DEUP1: variants seen among roughly 807,000 people sequenced by gnomAD.
DEUP1 encodes the protein deuterosome assembly protein 1, also known as coiled-coil domain containing 67.
In DEUP1, 82 loss-of-function variants were observed where a neutral mutation model predicts 87.4. The observed-to-expected ratio is 0.94, with a 90% CI of 0.78 to 1.13. DEUP1 has a LOEUF of 1.13. Ranked by LOEUF, DEUP1 falls within the 50% of genes most tolerant of loss-of-function variation. DEUP1 has a pLI of 0.00. For synonymous variants in DEUP1, 214 were observed against 222.7 expected (o/e 0.96, Z 0.35); for missense variants, 663 against 681.5 (o/e 0.97, Z 0.30).
At chr11:93,396,997 A>C (rs972668932) in intron 11 of DEUP1, among the ~76,000 whole-genome samples, 11 of 152,114 alleles carry the variant, frequency 7.2e-5, no homozygotes, top group African/African-American at 2.2e-4. Context: ...TTATATGAGA[A>C]TTTTTATTTA....
At chr11:93,403,780 T>C (rs972003726) in intron 11 of DEUP1, among the ~76,000 whole-genome samples, 5 of 151,750 alleles carry the variant, frequency 3.3e-5, no homozygotes, top group Admixed American at 6.6e-5. Flanking sequence ...TCATATCTAT[T>C]ATATATTAAA....
intron 9 of DEUP1, among the ~76,000 whole-genome samples, chr11:93,389,918 T>C (rs1436977654): frequency 1.3e-5 from 2 of 152,272 alleles, no homozygotes; most frequent in African/African-American, 4.8e-5. Context: ...CCAGGAACTC[T>C]GCTGGAGCTA....
intron 8 of DEUP1, among the ~76,000 whole-genome samples, chr11:93,388,366 T>A (rs1041387592): frequency 6.6e-6 from 1 of 152,194 alleles, no homozygotes; most frequent in Admixed American, 6.5e-5. Context: ...TTTATTTTTG[T>A]GTTTTTGTGA....
chr11:93,382,985 C>A (rs1946368983), intron 7 of DEUP1, among the ~76,000 whole-genome samples: 1 of 152,050 alleles, frequency 6.6e-6, no homozygotes. Context: ...TGCTACTATG[C>A]CCCTCACTGA....
At chr11:93,363,068 C>G (rs1292835600) in intron 4 of DEUP1, among the ~76,000 whole-genome samples, 2 of 151,780 alleles carry the variant, frequency 1.3e-5, no homozygotes, top group Non-Finnish European at 3.0e-5. Context: ...CTATTCAGCA[C>G]TAAAAAGGAA....
intron 11 of DEUP1, among the ~76,000 whole-genome samples, chr11:93,406,071 T>A (rs184845335): frequency 1.4e-3 from 211 of 152,090 alleles, no homozygotes; most frequent in African/African-American, 4.8e-3. Flanking sequence ...TCCTATTTTT[T>A]AAAATTCTGT....
chr11:93,365,662 A>G (rs975745), intron 5 of DEUP1, among the ~76,000 whole-genome samples: 81,392 of 151,924 alleles, frequency 0.54, 22,148 homozygotes, highest in Admixed American at 0.65. Context: ...TTTACGTTAT[A>G]TATATGTAAT....
chr11:93,392,897 C>G (rs1276978093), intron 9 of DEUP1, among the ~76,000 whole-genome samples: 1 of 151,886 alleles, frequency 6.6e-6, no homozygotes, highest in Non-Finnish European at 1.5e-5. Context: ...TCACTGAGCT[C>G]TTTGCCTGGG....
At chr11:93,373,638 T>C (rs1425369424) in intron 7 of DEUP1, among the ~76,000 whole-genome samples, 2 of 139,514 alleles carry the variant, frequency 1.4e-5, no homozygotes, top group Admixed American at 7.1e-5. Flanking sequence ...TATATATATA[T>C]ATATATATAT....
At chr11:93,390,358 CA>C (rs1469387089) in intron 9 of DEUP1, among the ~76,000 whole-genome samples, 3 of 151,952 alleles carry the variant, frequency 2.0e-5, no homozygotes, top group African/African-American at 7.3e-5. Context: ...ATAGGAAACA[CA>C]ATAATATGAA....
chr11:93,350,973 T>C (rs1944598927), intron 2 of DEUP1, among the ~76,000 whole-genome samples: 1 of 148,484 alleles, frequency 6.7e-6, no homozygotes, highest in South Asian at 2.1e-4. Context: ...ATTATATATA[T>C]AATTATATAT....
intron 2 of DEUP1, among the ~76,000 whole-genome samples, chr11:93,353,914 T>A (rs1187822811): frequency 2.0e-5 from 3 of 152,230 alleles, no homozygotes; most frequent in African/African-American, 7.2e-5. Context: ...CTCTGACAAG[T>A]CCTGGGGACA....
At chr11:93,335,179 A>G (rs901885178) in intron 2 of DEUP1, among the ~76,000 whole-genome samples, 2 of 145,546 alleles carry the variant, frequency 1.4e-5, no homozygotes, top group African/African-American at 4.9e-5. Context: ...TATTTACAAA[A>G]TGTAATTTCA....
intron 2 of DEUP1, among the ~76,000 whole-genome samples, chr11:93,339,168 T>C (rs1943928858): frequency 6.6e-6 from 1 of 152,260 alleles, no homozygotes; most frequent in Admixed American, 6.5e-5. Flanking sequence ...TTGCTTCTTA[T>C]AATAGAAAGT....
At chr11:93,413,534 G>A (rs1393981939) in intron 12 of DEUP1, among the ~76,000 whole-genome samples, 1 of 152,190 alleles carries the variant, frequency 6.6e-6, no homozygotes. Flanking sequence ...GAGCCACTGG[G>A]CCCAGCCTCT....
chr11:93,366,277 A>C (rs1591148370), intron 5 of DEUP1, among the ~76,000 whole-genome samples: 1 of 152,208 alleles, frequency 6.6e-6, no homozygotes, highest in African/African-American at 2.4e-5. Flanking sequence ...AAATCTTCAT[A>C]ATAAAAAGTT....
intron 13 of DEUP1, among the ~76,000 whole-genome samples, chr11:93,415,687 T>A (rs968084515): frequency 5.9e-5 from 9 of 152,154 alleles, no homozygotes; most frequent in Admixed American, 2.6e-4. Context: ...CATTATCGAT[T>A]TGTTTTGCCA....
chr11:93,387,987 A>G (rs1946640851), intron 8 of DEUP1, among the ~76,000 whole-genome samples: 1 of 152,130 alleles, frequency 6.6e-6, no homozygotes, highest in African/African-American at 2.4e-5. Context: ...CCTGAATGTT[A>G]ACATTACAGC....
intron 6 of DEUP1, 142 bp downstream of exon 6, chr11:93,370,328 G>C: frequency 1.8e-6 from 1 of 565,528 alleles, no homozygotes; most frequent in Non-Finnish European, 3.1e-6. Flanking sequence ...ACAGTCACAA[G>C]TGCATAGAAT....
Sources: gnomAD v4.1 joint callset for allele counts (sites outside exome capture counted in the v4.1 genomes callset) on GRCh38, gnomAD v4.1.1 for gene constraint, MANE v1.5 for transcripts, NCBI Gene and HGNC (gene_info 2026-07-23, HGNC 2026-07-21) for gene names.